The following ZP3 variants were observed in gnomAD, a reference collection of about 807,000 sequenced individuals.
ZP3 encodes the protein zona pellucida sperm-binding protein 3.
Under a neutral mutation model 35.6 loss-of-function variants are expected in ZP3, and 21 were observed. The ratio of observed to expected loss-of-function variants is 0.59; its 90% CI spans 0.42 to 0.85. The LOEUF is 0.85. ZP3 is among the 40% of genes least tolerant of loss of function. The probability of loss-of-function intolerance (pLI) is 0.00; values close to 1 mark genes in which losing one functional copy is unlikely to be tolerated. For missense variants in ZP3, 437 were observed against 536.5 expected, an observed-to-expected ratio of 0.81 and a Z score of 1.83; for synonymous variants, 207 against 214.5, an observed-to-expected ratio of 0.96 and a Z score of 0.31.
upstream of ZP3, among the ~76,000 whole-genome samples, chr7:76,422,025 TA>T (rs780343902): frequency 2.6e-5 from 4 of 152,110 alleles, no homozygotes; most frequent in Non-Finnish European, 5.9e-5. Flanking sequence ...GCCTCCCAAG[TA>T]GCTGGGATTA....
At chr7:76,418,932 A>G (rs947562170) in intron 1 of ZP3, among the ~76,000 whole-genome samples, 26 of 152,272 alleles carry the variant, frequency 1.7e-4, no homozygotes, top group Admixed American at 1.4e-3. Flanking sequence ...CAATGTACAC[A>G]TTGGGTGTTG....
chr7:76,426,650 C>G (rs1020604893), intron 1 of ZP3, among the ~76,000 whole-genome samples: 1 of 151,946 alleles, frequency 6.6e-6, no homozygotes, highest in African/African-American at 2.4e-5. Flanking sequence ...GCCTGGCTCC[C>G]CCCCCTTCTG....
chr7:76,431,898 CAAAAAA>C (rs67914265), intron 2 of ZP3, among the ~76,000 whole-genome samples: 1 of 144,254 alleles, frequency 6.9e-6, no homozygotes, highest in Non-Finnish European at 1.5e-5. Context: ...GACTCCGTCT[CAAAAAA>C]AAAAAAAAAA....
At chr7:76,401,040 C>G (rs201367309) in intron 1 of ZP3, 1 of 1,547,494 alleles carries the variant, frequency 6.5e-7, no homozygotes, top group East Asian at 2.5e-5. Flanking sequence ...CTGTAGGGCG[C>G]TGGCTGAAAC....
chr7:76,421,863 C>T (rs1460820367), upstream of ZP3, among the ~76,000 whole-genome samples: 2 of 151,980 alleles, frequency 1.3e-5, no homozygotes, highest in African/African-American at 4.8e-5. Context: ...AGTCCTTCAT[C>T]ATCTCCTGAT....
At chr7:76,410,875 A>G (rs1163316869) in intron 1 of ZP3, among the ~76,000 whole-genome samples, 8 of 151,512 alleles carry the variant, frequency 5.3e-5, no homozygotes, top group Non-Finnish European at 7.4e-5. Context: ...GGTGCCTGTA[A>G]TCCCAGCTAC....
intron 1 of ZP3, among the ~76,000 whole-genome samples, chr7:76,415,364 C>CAAAA (rs528001072): frequency 6.3e-5 from 4 of 63,532 alleles, no homozygotes; most frequent in Admixed American, 1.9e-4. Context: ...GACTCCGTCT[C>CAAAA]AAAAAAAAAA....
chr7:76,418,176 G>A (rs1025745911), intron 1 of ZP3, among the ~76,000 whole-genome samples: 4 of 151,874 alleles, frequency 2.6e-5, no homozygotes, highest in Non-Finnish European at 4.4e-5. Context: ...TGATCCACCC[G>A]CCTTGGCCTC....
upstream of ZP3, among the ~76,000 whole-genome samples, chr7:76,423,033 A>G (rs796815018): frequency 0.15 from 10,876 of 73,612 alleles, 732 homozygotes; most frequent in Middle Eastern, 0.21. Flanking sequence ...GAGAGAAAGA[A>G]AGAAAGAAAG....
intron 1 of ZP3, among the ~76,000 whole-genome samples, chr7:76,408,879 C>T (rs1805133143): frequency 6.6e-6 from 1 of 152,170 alleles, no homozygotes; most frequent in African/African-American, 2.4e-5. Context: ...CAGCCGGCAG[C>T]CTAACACAGC....
In ZP3 at chr7:76,431,989, G is replaced by A. The variant is rs962227693; in HGVS notation, c.432-938G>A. Among the ~76,000 whole-genome samples the A allele has an allele frequency of 6.6e-5, 10 of 151,632 alleles. No homozygotes were observed. The South Asian group carries it at 8.3e-4, about 13-fold the overall frequency. On this transcript the variant is annotated intron_variant, in intron 2 of 7. Coordinates refer to ENST00000394857, the MANE Select transcript of ZP3 (RefSeq NM_001110354.2). ...GGGCCTGCTATCAGACCCCAAACCTGAACCTCTAGGGCTAAAGTATGTGTG... is the reference window on the plus strand; with the variant it reads ...GGGCCTGCTATCAGACCCCAAACCTAAACCTCTAGGGCTAAAGTATGTGTG...
intron 1 of ZP3, among the ~76,000 whole-genome samples, chr7:76,415,298 G>A (rs913972245): frequency 1.4e-5 from 2 of 140,856 alleles, no homozygotes; most frequent in African/African-American, 5.4e-5. Context: ...CCCGGGGAGC[G>A]GAGGTTTCAG....
chr7:76,415,400 A>C (rs73363105), intron 1 of ZP3, among the ~76,000 whole-genome samples: 4,846 of 145,116 alleles, frequency 0.033, 264 homozygotes, highest in African/African-American at 0.12. Context: ...GATTCAGCAC[A>C]AACTATTAAC....
chr7:76,429,078 T>TG (rs1805754864), intron 1 of ZP3: 2 of 212,674 alleles, frequency 9.4e-6, no homozygotes, highest in Non-Finnish European at 9.5e-6. Flanking sequence ...CTGTATGTAC[T>TG]GGGGGGCATG....
intron 1 of ZP3, chr7:76,428,558 G>C (rs576357379): frequency 1.3e-5 from 2 of 152,154 alleles, no homozygotes; most frequent in African/African-American, 4.8e-5. Context: ...CCTATTGGAC[G>C]ATGCAAATTT....
upstream of ZP3, among the ~76,000 whole-genome samples, chr7:76,422,678 CAA>C (rs762988192): frequency 1.0e-4 from 10 of 97,068 alleles, no homozygotes; most frequent in Admixed American, 1.2e-4. Flanking sequence ...GATTCCGTCT[CAA>C]AAAAAAAAAA....
rs142311974 is a variant in ZP3, at chr7:76,412,519, T to C, written c.-66-12533T>C. 9.7e-4 allele frequency among the ~76,000 whole-genome samples: 148 copies of C among 152,340 alleles called. 4 individuals are homozygous for C. The East Asian group carries it at 0.025, about 26-fold the overall frequency. ...AGAACTATACACACACCTTGTATCA[T>C]GTCATGTTCTTGGTTTTGGTATTAT... On this transcript the variant is annotated intron_variant, in intron 1 of 8. Coordinates refer to the ZP3 transcript ENST00000336517.
At chr7:76,419,951 G>A (rs1029361751), upstream of ZP3, among the ~76,000 whole-genome samples, 4 of 151,940 alleles carry the variant, frequency 2.6e-5, no homozygotes, top group African/African-American at 4.8e-5. Flanking sequence ...ACAGGCGCGC[G>A]ACACCACGCC....
chr7:76,435,432 G>A (rs1805963911), intron 5 of ZP3, among the ~76,000 whole-genome samples: 1 of 152,258 alleles, frequency 6.6e-6, no homozygotes. Context: ...TGGAATTACA[G>A]GCGTGAGCCA....
Sources: gnomAD v4.1 joint callset for allele counts (sites outside exome capture counted in the v4.1 genomes callset) on GRCh38, gnomAD v4.1.1 for gene constraint, MANE v1.5 for transcripts, NCBI Gene and HGNC (gene_info 2026-07-23, HGNC 2026-07-21) for gene names.